Variants in SEC24B observed in about 807,000 individuals in gnomAD.
The protein encoded by SEC24B is protein transport protein Sec24B.
A neutral mutation model predicts 142.8 loss-of-function variants in SEC24B; 45 were observed. The observed-to-expected ratio is 0.32, with a 90% CI of 0.25 to 0.40. The LOEUF (loss-of-function observed/expected upper bound fraction) is 0.40, where lower values mean the gene tolerates loss of function less well. Ranked by LOEUF, SEC24B falls within the 10% of genes least tolerant of loss-of-function variation. The pLI is 1.00. For synonymous variants in SEC24B, 574 were observed against 568.2 expected (o/e 1.01, Z -0.15); for missense variants, 1,409 against 1,526.8 (o/e 0.92, Z 1.29).
At chr4:109,441,882 C>T (rs1223581637) in intron 1 of SEC24B, among the ~76,000 whole-genome samples, 1 of 152,174 alleles carries the variant, frequency 6.6e-6, no homozygotes, top group Non-Finnish European at 1.5e-5. Context: ...GAACAGTTAC[C>T]TTCATCCTCA....
At chr4:109,483,104 G>T (rs1578862342) in intron 4 of SEC24B, among the ~76,000 whole-genome samples, 1 of 132,540 alleles carries the variant, frequency 7.5e-6, no homozygotes, top group African/African-American at 2.9e-5. Context: ...TTTTGAGATG[G>T]AGTCTTGCTC....
intron 3 of SEC24B, among the ~76,000 whole-genome samples, chr4:109,478,762 C>T (rs1733433273): frequency 6.6e-6 from 1 of 152,170 alleles, no homozygotes; most frequent in Non-Finnish European, 1.5e-5. Flanking sequence ...AAACTAAGGT[C>T]ATGTGTTTCC....
intron 2 of SEC24B, among the ~76,000 whole-genome samples, chr4:109,471,424 T>A (rs1008943106): frequency 6.6e-6 from 1 of 152,160 alleles, no homozygotes; most frequent in Non-Finnish European, 1.5e-5. Flanking sequence ...GGATTATAGG[T>A]ATGAGCAACC....
At chr4:109,519,176 G>C (rs1723324651) in intron 11 of SEC24B, among the ~76,000 whole-genome samples, 1 of 152,122 alleles carries the variant, frequency 6.6e-6, no homozygotes, top group Non-Finnish European at 1.5e-5. Flanking sequence ...ATACCAGGTT[G>C]ATGCATGGAG....
intron 9 of SEC24B, among the ~76,000 whole-genome samples, chr4:109,513,511 T>A (rs1024759632): frequency 1.3e-5 from 2 of 152,100 alleles, no homozygotes; most frequent in African/African-American, 4.8e-5. Flanking sequence ...CTCAAACTCC[T>A]GACCTCGTGA....
intron 15 of SEC24B, among the ~76,000 whole-genome samples, 159 bp downstream of exon 15, chr4:109,525,100 A>G (rs1724074040): frequency 6.6e-6 from 1 of 152,168 alleles, no homozygotes; most frequent in Admixed American, 6.5e-5. Flanking sequence ...TTAAAGCACT[A>G]TACAAATATA....
At chr4:109,470,875 G>C (rs1352985781) in intron 2 of SEC24B, among the ~76,000 whole-genome samples, 1 of 152,094 alleles carries the variant, frequency 6.6e-6, no homozygotes, top group Non-Finnish European at 1.5e-5. Flanking sequence ...TTTATAAAAA[G>C]AGCAAAAATA....
At chr4:109,511,383 AAAAC>A (rs1235338814) in intron 8 of SEC24B, among the ~76,000 whole-genome samples, 1 of 152,228 alleles carries the variant, frequency 6.6e-6, no homozygotes, top group African/African-American at 2.4e-5. Context: ...CAGATAGAAA[AAAAC>A]AGAATGATAT....
chr4:109,477,549 C>T (rs924612656), intron 3 of SEC24B, among the ~76,000 whole-genome samples: 1 of 152,068 alleles, frequency 6.6e-6, no homozygotes, highest in Non-Finnish European at 1.5e-5. Context: ...TGGTCTTGAA[C>T]TCCCAGGCTC....
rs561195398 is a variant in SEC24B, at chr4:109,480,020, A to AT, written c.1061-1652dup. ...ATTTTATTTTATTTTATTTACATCG[A>AT]TTTTTATTTTATTGATTTTTATTTT... On this transcript the variant is annotated intron_variant, in intron 3 of 23. Transcript: ENST00000265175. 3.3e-4 allele frequency among the ~76,000 whole-genome samples: 50 copies of AT among 152,120 alleles called. 1 individual carries two copies. The South Asian group carries it at 9.7e-3, about 30-fold the overall frequency.
At chr4:109,483,543 A>AGTTTTAAG in intron 4 of SEC24B, among the ~76,000 whole-genome samples, 1 of 146,352 alleles carries the variant, frequency 6.8e-6, no homozygotes, top group Non-Finnish European at 1.5e-5. Flanking sequence ...AGGGACTCTC[A>AGTTTTAAG]ACCTATAGTT....
At chr4:109,447,146 T>C (rs564899576) in intron 1 of SEC24B, among the ~76,000 whole-genome samples, 1 of 152,134 alleles carries the variant, frequency 6.6e-6, no homozygotes, top group African/African-American at 2.4e-5. Flanking sequence ...AGAGGGTATT[T>C]TGGAAGGTTC....
intron 1 of SEC24B, among the ~76,000 whole-genome samples, chr4:109,448,749 G>A (rs1489793184): frequency 6.6e-6 from 1 of 151,928 alleles, no homozygotes; most frequent in East Asian, 1.9e-4. Context: ...CCGAAACTTT[G>A]GTACATTTAT....
At chr4:109,529,480 A>C (rs923084052) in intron 18 of SEC24B, among the ~76,000 whole-genome samples, 6 of 152,288 alleles carry the variant, frequency 3.9e-5, no homozygotes, top group African/African-American at 1.4e-4. Context: ...TTGTAGAAAA[A>C]TAAGTTTCAC....
chr4:109,456,938 G>A (rs1358303015), intron 1 of SEC24B, among the ~76,000 whole-genome samples: 2 of 152,190 alleles, frequency 1.3e-5, no homozygotes. Flanking sequence ...TTATGTGTGA[G>A]TGCATGGTGG....
At chr4:109,503,234 T>A (rs1168099841) in intron 6 of SEC24B, among the ~76,000 whole-genome samples, 2 of 150,556 alleles carry the variant, frequency 1.3e-5, no homozygotes, top group African/African-American at 2.4e-5. Context: ...TAATTTTTTT[T>A]TTTTTTTGAG....
chr4:109,458,733 A>G (rs1325171488), intron 1 of SEC24B, among the ~76,000 whole-genome samples: 1 of 152,170 alleles, frequency 6.6e-6, no homozygotes, highest in Non-Finnish European at 1.5e-5. Context: ...ACTAAATTAT[A>G]CATATATATG....
rs115440847 is a variant in SEC24B, at chr4:109,525,190, A to G, written c.2633-156A>G. ...CAGTAAACTTTATCATATATTTTAT[A>G]GATATTACTGTTTTCTCAGATTTGT... On this transcript the variant is annotated intron_variant, in intron 15 of 23. Coordinates refer to ENST00000265175, the MANE Select transcript of SEC24B (RefSeq NM_006323.5). 3.5e-3 allele frequency among the ~76,000 whole-genome samples: 528 copies of G among 152,144 alleles called. 4 individuals carry two copies. The highest frequency in any genetic ancestry group is 0.012 in the African/African-American group (513 of 41,554).
chr4:109,529,439 T>C (rs1390382136), intron 18 of SEC24B, among the ~76,000 whole-genome samples: 1 of 152,176 alleles, frequency 6.6e-6, no homozygotes, highest in East Asian at 1.9e-4. Flanking sequence ...ATATATATTA[T>C]AGGTTATCCC....
Sources: gnomAD v4.1 joint callset for allele counts (sites outside exome capture counted in the v4.1 genomes callset) on GRCh38, gnomAD v4.1.1 for gene constraint, MANE v1.5 for transcripts, NCBI Gene and HGNC (gene_info 2026-07-23, HGNC 2026-07-21) for gene names.